PIBF1: variants seen among roughly 807,000 people sequenced by gnomAD.
PIBF1 encodes the protein progesterone immunomodulatory binding factor 1, also known as progesterone-induced-blocking factor 1.
Under a neutral mutation model 112.5 loss-of-function variants are expected in PIBF1, and 90 were observed. That is an observed-to-expected ratio of 0.80 (90% CI 0.67 to 0.95). The LOEUF (loss-of-function observed/expected upper bound fraction) is 0.95. Ranked by LOEUF, PIBF1 falls within the 40% of genes least tolerant of loss-of-function variation. The probability of loss-of-function intolerance (pLI) is 0.00; values close to 1 mark genes in which losing one functional copy is unlikely to be tolerated. For synonymous variants in PIBF1, 301 were observed against 288.6 expected, an observed-to-expected ratio of 1.04 and a Z score of -0.44; for missense variants, 915 against 852.3, an observed-to-expected ratio of 1.07 and a Z score of -0.92.
At chr13:72,865,975 A>G (rs1265199327) in intron 10 of PIBF1, among the ~76,000 whole-genome samples, 2 of 152,168 alleles carry the variant, frequency 1.3e-5, no homozygotes, top group African/African-American at 2.4e-5. Flanking sequence ...AGAGGCCAGA[A>G]CTCTGAAACT....
At chr13:72,997,667 A>G (rs2043723449) in intron 16 of PIBF1, among the ~76,000 whole-genome samples, 1 of 152,236 alleles carries the variant, frequency 6.6e-6, no homozygotes, top group Admixed American at 6.5e-5. Context: ...GCTGGTGTCT[A>G]TAAACAGATT....
intron 10 of PIBF1, among the ~76,000 whole-genome samples, chr13:72,858,047 GTGTGTGTGTGTA>G (rs1484014347): frequency 6.6e-6 from 1 of 151,594 alleles, no homozygotes; most frequent in African/African-American, 2.4e-5. Context: ...GTGTGTGTGT[GTGTGTGTGTGTA>G]TGTATTATGT....
intron 14 of PIBF1, among the ~76,000 whole-genome samples, chr13:72,956,337 A>G (rs7981654): frequency 0.2 from 29,897 of 151,818 alleles, 3,084 homozygotes; most frequent in Middle Eastern, 0.27. Flanking sequence ...CCTTCAAAGT[A>G]TGTGTGTGTA....
intron 5 of PIBF1, among the ~76,000 whole-genome samples, chr13:72,804,121 A>G (rs1048109631): frequency 6.6e-6 from 1 of 152,158 alleles, no homozygotes; most frequent in African/African-American, 2.4e-5. Context: ...AGTAGCAAGA[A>G]AATTTCGACT....
intron 10 of PIBF1, among the ~76,000 whole-genome samples, chr13:72,889,235 A>G (rs1359232583): frequency 2.0e-5 from 3 of 152,186 alleles, no homozygotes; most frequent in African/African-American, 7.2e-5. Flanking sequence ...AGTTGACTAG[A>G]CACATCAGCT....
intron 16 of PIBF1, among the ~76,000 whole-genome samples, chr13:72,992,817 AAAGGCCAT>A (rs2139007659): frequency 1.3e-5 from 2 of 151,702 alleles, no homozygotes; most frequent in South Asian, 4.2e-4. Flanking sequence ...AAAAAATAAA[AAAGGCCAT>A]AAGGCAGAAA....
chr13:72,800,546 G>A (rs974177576), intron 5 of PIBF1, among the ~76,000 whole-genome samples: 5 of 152,082 alleles, frequency 3.3e-5, no homozygotes, highest in Admixed American at 6.6e-5. Context: ...CAGCTTCTCC[G>A]TCCGTAAAAT....
At chr13:72,841,791 C>T (rs2037622241) in intron 9 of PIBF1, among the ~76,000 whole-genome samples, 1 of 151,960 alleles carries the variant, frequency 6.6e-6, no homozygotes, top group Admixed American at 6.6e-5. Context: ...TAATAACTAA[C>T]TAATAATACT....
chr13:72,966,941 CTT>C (rs547336254), intron 15 of PIBF1, among the ~76,000 whole-genome samples: 7 of 144,232 alleles, frequency 4.9e-5, no homozygotes, highest in Admixed American at 7.0e-5. Context: ...AATTTTGAAT[CTT>C]TTTTTTTTTT....
intron 2 of PIBF1, among the ~76,000 whole-genome samples, chr13:72,791,718 C>T (rs1391904363): frequency 1.3e-5 from 2 of 151,906 alleles, no homozygotes; most frequent in Non-Finnish European, 2.9e-5. Context: ...CTGCAGCCTC[C>T]GCCTTCCAGG....
chr13:72,833,797 C>G (rs1361684948), intron 8 of PIBF1, among the ~76,000 whole-genome samples: 2 of 152,188 alleles, frequency 1.3e-5, no homozygotes, highest in African/African-American at 2.4e-5. Flanking sequence ...ACCCACTGCT[C>G]TCTTCAGAGC....
chr13:72,936,310 G>A (rs146291757), intron 14 of PIBF1, among the ~76,000 whole-genome samples: 22 of 152,174 alleles, frequency 1.4e-4, no homozygotes, highest in African/African-American at 4.3e-4. Context: ...TGCTGGGATT[G>A]CAGGTGTGAG....
At chr13:72,909,619 G>A (rs924184478) in intron 12 of PIBF1, among the ~76,000 whole-genome samples, 4 of 151,340 alleles carry the variant, frequency 2.6e-5, no homozygotes, top group Non-Finnish European at 4.4e-5. Context: ...CTCAGCCTCC[G>A]GGTAGCTGGG....
At chr13:72,935,637 T>G (rs2041848916) in intron 14 of PIBF1, among the ~76,000 whole-genome samples, 1 of 152,250 alleles carries the variant, frequency 6.6e-6, no homozygotes. Context: ...CCCAGATGTT[T>G]GTACCATTTT....
intron 17 of PIBF1, among the ~76,000 whole-genome samples, chr13:73,006,328 C>T (rs1186716005): frequency 6.6e-6 from 1 of 152,090 alleles, no homozygotes; most frequent in Non-Finnish European, 1.5e-5. Context: ...TTTTTAATTT[C>T]TAGTGTCAGG....
chr13:73,009,485 GTAGT>G (rs2139054721), intron 17 of PIBF1, among the ~76,000 whole-genome samples: 1 of 152,288 alleles, frequency 6.6e-6, no homozygotes, highest in Non-Finnish European at 1.5e-5. Flanking sequence ...CTGGCACAGA[GTAGT>G]TAGTCAAATA....
intron 10 of PIBF1, among the ~76,000 whole-genome samples, chr13:72,855,950 G>C (rs564442371): frequency 1.3e-5 from 2 of 152,140 alleles, no homozygotes; most frequent in Non-Finnish European, 2.9e-5. Flanking sequence ...TAGTAAATCA[G>C]AACTTACATT....
At chr13:72,792,610 G>A (rs1158007309) in intron 3 of PIBF1, 63 bp downstream of exon 3, 6 of 806,398 alleles carry the variant, frequency 7.4e-6, no homozygotes, top group Admixed American at 3.0e-5. Flanking sequence ...TAATTTTATT[G>A]CCTGTTCATG....
chr13:72,784,787 G>A (rs1373230587), intron 2 of PIBF1, among the ~76,000 whole-genome samples: 1 of 152,038 alleles, frequency 6.6e-6, no homozygotes, highest in Admixed American at 6.6e-5. Context: ...TTTAAGTATT[G>A]AAATATGGAG....
Sources: gnomAD v4.1 joint callset for allele counts (sites outside exome capture counted in the v4.1 genomes callset) on GRCh38, gnomAD v4.1.1 for gene constraint, MANE v1.5 for transcripts, NCBI Gene and HGNC (gene_info 2026-07-23, HGNC 2026-07-21) for gene names.